Variants in NAPA observed in about 807,000 individuals in gnomAD.
The protein encoded by NAPA is alpha-soluble NSF attachment protein.
Under a neutral mutation model 48.0 loss-of-function variants are expected in NAPA, and 18 were observed. The observed-to-expected ratio is 0.38, with a 90% CI of 0.26 to 0.56. NAPA has a LOEUF of 0.56. Ranked by LOEUF, NAPA falls within the 20% of genes least tolerant of loss-of-function variation. The probability of loss-of-function intolerance (pLI) is 0.77; values close to 1 mark genes in which losing one functional copy is unlikely to be tolerated. For synonymous variants in NAPA, 152 were observed against 149.9 expected (o/e 1.01, Z -0.10); for missense variants, 315 against 385.0 (o/e 0.82, Z 1.52).
Position 47,492,943 on chromosome 19 carries a change from A to ATCCCCACCTG in NAPA, c.561+8_561+17dup. 6.2e-7 allele frequency: 1 copy of ATCCCCACCTG among 1,613,156 alleles called. No individual in the cohort carries two copies. The highest frequency in any genetic ancestry group is 8.5e-7 in the Non-Finnish European group (1 of 1,179,154). On this transcript the variant is annotated intron_variant, in intron 7 of 10. Transcript: ENST00000263354. ...GAGAGGGGGCAGGGTGGAAGCCGCC[A>ATCCCCACCTG]TCCCCACCTGTCCCCACCTGTTCGT...
rs369322285 is a variant in NAPA at position 47,493,421 on chromosome 19, C to T, written c.415G>A (p.Glu139Lys). 10 of 1,613,982 alleles carry T rather than the reference C, an allele frequency of 6.2e-6. No homozygotes were observed. The East Asian group carries it at 8.9e-5, about 14-fold the overall frequency. ...AGGGCCCTGCTGCCACTCACCTTCT[C>T]GATGTCCACCAACTCTGTCTCATAG... ...EIYETELVDI[E>K]KAIAHYEQSA... is the part of the protein sequence containing the mutation. Residue 139 changes from glutamate to lysine, a missense_variant, in exon 5 of 11, where the codon GAG becomes AAG. Physicochemically the swap from Glu to Lys is moderately conservative, Grantham distance 56 (BLOSUM62 1). This residue lies in a region of NAPA where 173 missense variants were observed against 213.5 expected (regional missense o/e 0.81). Coordinates refer to ENST00000263354, the MANE Select transcript of NAPA (RefSeq NM_003827.4). This position sits in a 1 kb window ranked among gnomAD's most constrained non-coding sequence, Gnocchi z 6.4.
intron 9 of NAPA, among the ~76,000 whole-genome samples, chr19:47,490,058 G>C (rs58419215): frequency 3.2e-4 from 48 of 149,090 alleles, no homozygotes; most frequent in African/African-American, 1.1e-3. Context: ...GTGTGTGGTG[G>C]AGGTGTGTGT....
At chr19:47,498,362 C>T (rs1389079686) in intron 3 of NAPA, among the ~76,000 whole-genome samples, 1 of 152,182 alleles carries the variant, frequency 6.6e-6, no homozygotes, top group East Asian at 1.9e-4. Flanking sequence ...AGGCAGGGGC[C>T]CCTGGACTGA....
Position 47,493,090 on chromosome 19 carries a change from G to C in NAPA, c.476+29C>G. ...GAGGGGAAGTGGTGGCGGTCCCTGC[G>C]GGGCTGGGGCAGGCAGGAAGGGGGC... On this transcript the variant is annotated intron_variant, in intron 6 of 10. Coordinates refer to ENST00000263354, the MANE Select transcript of NAPA (RefSeq NM_003827.4). The surrounding 1 kb of genome is among the most constrained non-coding windows in gnomAD (Gnocchi z 6.4). 1 of 1,613,966 alleles carries C rather than the reference G, an allele frequency of 6.2e-7. No individual in the cohort carries two copies. The highest frequency in any genetic ancestry group is 8.5e-7 in the Non-Finnish European group (1 of 1,179,882).
In NAPA at chr19:47,495,609, G is replaced by C; in HGVS notation, c.296-13C>G. On this transcript the variant is annotated splice_polypyrimidine_tract_variant and intron_variant, in intron 3 of 10. Transcript: ENST00000263354. Reference sequence around the variant, plus strand: ...CAGTTAATGGCCTCTGGAGAGAAAGGGAGGTGGGAGGAGACATGAGAAAGT... The same window carrying C: ...CAGTTAATGGCCTCTGGAGAGAAAGCGAGGTGGGAGGAGACATGAGAAAGT... The C allele has an allele frequency of 6.2e-7, 1 of 1,613,546 alleles. No homozygotes were observed. Among genetic ancestry groups the C allele is most frequent in the African/African-American group, 1.3e-5 (1 of 74,988 alleles).
At chr19:47,514,400 T>C (rs986425446) in intron 1 of NAPA, among the ~76,000 whole-genome samples, 12 of 152,136 alleles carry the variant, frequency 7.9e-5, no homozygotes, top group African/African-American at 2.7e-4. Context: ...CACTGCCGCC[T>C]GAGAGCCTTC....
chr19:47,489,882 C>G (rs1968192170), intron 9 of NAPA, 121 bp from the exon 10 acceptor site: 2 of 951,794 alleles, frequency 2.1e-6, no homozygotes, highest in African/African-American at 1.6e-5. Context: ...TGAGGACTCT[C>G]AGAGGGTCAA....
At chr19:47,486,280 G>T (rs1468300034), downstream of NAPA, among the ~76,000 whole-genome samples, 1 of 152,028 alleles carries the variant, frequency 6.6e-6, no homozygotes, top group South Asian at 2.1e-4. Context: ...GCTTGAACCC[G>T]GGAGGCAGAG....
chr19:47,487,052 C>G (rs186589773), downstream of NAPA, among the ~76,000 whole-genome samples: 462 of 152,298 alleles, frequency 3.0e-3, no homozygotes, highest in Non-Finnish European at 3.4e-3. Flanking sequence ...CCAGACAGGG[C>G]CCCCAACATG....
intron 8 of NAPA, chr19:47,491,541 C>T (rs1325500325): frequency 6.5e-6 from 1 of 154,798 alleles, no homozygotes; most frequent in Admixed American, 6.4e-5. Context: ...TCCCACTGCC[C>T]TCTTTGGCCC....
chr19:47,493,510 A>C lies in NAPA; in HGVS notation c.343-17T>G, dbSNP rs1968337740. Reference sequence around the variant, plus strand: ...GAATCGGCCCTGGAGGGGACACAGGAAGGGGCTGCCTGCGACTCATGACCT... The same window carrying C: ...GAATCGGCCCTGGAGGGGACACAGGCAGGGGCTGCCTGCGACTCATGACCT... On this transcript the variant is annotated splice_polypyrimidine_tract_variant and intron_variant, in intron 4 of 10. Coordinates refer to ENST00000263354, the MANE Select transcript of NAPA (RefSeq NM_003827.4). This position sits in a 1 kb window ranked among gnomAD's most constrained non-coding sequence, Gnocchi z 6.4. The C allele has an allele frequency of 6.2e-7, 1 of 1,612,378 alleles. No homozygotes were observed. Among genetic ancestry groups the C allele is most frequent in the Non-Finnish European group, 8.5e-7 (1 of 1,179,032 alleles).
At chr19:47,500,550 C>T (rs745753364) in intron 3 of NAPA, 83 bp downstream of exon 3, 16 of 1,181,412 alleles carry the variant, frequency 1.4e-5, no homozygotes, top group Non-Finnish European at 1.6e-5. Flanking sequence ...AAACCAGAGC[C>T]GCCAGGAAAC....
intron 2 of NAPA, 145 bp downstream of exon 2, chr19:47,503,278 G>C: frequency 1.4e-6 from 1 of 719,928 alleles, no homozygotes; most frequent in Non-Finnish European, 2.4e-6. Flanking sequence ...CACAAAACAA[G>C]AGAGCAGGCC....
At chr19:47,496,744 G>A (rs528810583) in intron 3 of NAPA, 12 of 372,402 alleles carry the variant, frequency 3.2e-5, no homozygotes, top group African/African-American at 1.3e-4. Flanking sequence ...AACTCCCTCC[G>A]TGGGGAGGCA....
At chr19:47,494,450 G>T (rs531456665) in intron 4 of NAPA, among the ~76,000 whole-genome samples, 1 of 152,072 alleles carries the variant, frequency 6.6e-6, no homozygotes, top group African/African-American at 2.4e-5. Flanking sequence ...GAGGCAAAAA[G>T]GAGCTGGCCA....
At chr19:47,496,967 T>C (rs1358475690) in intron 3 of NAPA, 2 of 376,720 alleles carry the variant, frequency 5.3e-6, no homozygotes, top group Non-Finnish European at 1.1e-5. Context: ...AGACCGAGAC[T>C]GTGGCAGCAG....
chr19:47,495,484 AGGGGACGCAAGGCT>A, intron 4 of NAPA, 52 bp downstream of exon 4: 2 of 1,519,220 alleles, frequency 1.3e-6, no homozygotes, highest in Non-Finnish European at 1.8e-6. Context: ...GTGCTGAAAG[AGGGGACGCAAGGCT>A]GGGGCAATGC....
intron 1 of NAPA, among the ~76,000 whole-genome samples, chr19:47,514,521 T>C (rs1968867442): frequency 6.6e-6 from 1 of 152,080 alleles, no homozygotes; most frequent in Admixed American, 6.5e-5. Flanking sequence ...ACTCCCTCGG[T>C]CCAGGTTCTC....
intron 8 of NAPA, among the ~76,000 whole-genome samples, chr19:47,491,745 G>C (rs761448988): frequency 9.2e-5 from 14 of 152,138 alleles, no homozygotes; most frequent in Non-Finnish European, 1.9e-4. Flanking sequence ...ACTTTAATGG[G>C]GTGCAGTGAG....
Sources: gnomAD v4.1 joint callset for allele counts (sites outside exome capture counted in the v4.1 genomes callset) on GRCh38, gnomAD v4.1.1 for gene constraint, gnomAD v4.1.1 regional missense constraint, Gnocchi (gnomAD v3.1) non-coding constraint, MANE v1.5 for transcripts, NCBI Gene and HGNC (gene_info 2026-07-23, HGNC 2026-07-21) for gene names.